PTPRM: variants seen among roughly 807,000 people sequenced by gnomAD.
The protein encoded by PTPRM is protein tyrosine phosphatase receptor type M.
In PTPRM, 47 loss-of-function variants were observed where a neutral mutation model predicts 186.7. That is an observed-to-expected ratio of 0.25 (90% CI 0.20 to 0.32). The LOEUF (loss-of-function observed/expected upper bound fraction) is 0.32. PTPRM is among the 10% of genes least tolerant of loss of function. The pLI, the probability that PTPRM is intolerant of heterozygous loss-of-function variation, is 1.00. For missense variants in PTPRM, 1,494 were observed against 1,865.0 expected (o/e 0.80, Z 3.66); for synonymous variants, 668 against 674.9 (o/e 0.99, Z 0.16).
intron 23 of PTPRM, among the ~76,000 whole-genome samples, chr18:8,349,964 G>A (rs961785216): frequency 6.6e-6 from 1 of 152,166 alleles, no homozygotes; most frequent in Non-Finnish European, 1.5e-5. Context: ...AGGCCAAAAT[G>A]GATGCCCCAT....
chr18:7,881,023 T>C (rs957611097), intron 2 of PTPRM, among the ~76,000 whole-genome samples: 1 of 152,204 alleles, frequency 6.6e-6, no homozygotes, highest in African/African-American at 2.4e-5. Flanking sequence ...GCAGTACATA[T>C]ATACACATGG....
At chr18:7,941,821 T>C (rs1007004461) in intron 5 of PTPRM, among the ~76,000 whole-genome samples, 2 of 152,228 alleles carry the variant, frequency 1.3e-5, no homozygotes, top group Non-Finnish European at 2.9e-5. Context: ...GGAGACATTG[T>C]CTGGTGCTTT....
intron 22 of PTPRM, among the ~76,000 whole-genome samples, chr18:8,331,601 T>C (rs150182857): frequency 6.6e-6 from 1 of 152,326 alleles, no homozygotes; most frequent in East Asian, 1.9e-4. Flanking sequence ...TATCTCTCAA[T>C]AGCAGAGAAG....
intron 14 of PTPRM, among the ~76,000 whole-genome samples, chr18:8,208,770 C>A (rs1413788076): frequency 6.6e-6 from 1 of 152,226 alleles, no homozygotes. Context: ...CCTTGGCCCC[C>A]CAAAGTGTTG....
intron 2 of PTPRM, among the ~76,000 whole-genome samples, chr18:7,820,765 T>A (rs2045143720): frequency 1.3e-5 from 2 of 152,144 alleles, no homozygotes; most frequent in Non-Finnish European, 2.9e-5. Flanking sequence ...TGGCCTCGCC[T>A]CTCTTTGGCT....
intron 14 of PTPRM, among the ~76,000 whole-genome samples, chr18:8,148,652 C>T (rs2092937559): frequency 6.6e-6 from 1 of 152,094 alleles, no homozygotes; most frequent in African/African-American, 2.4e-5. Context: ...GTATGTCCTT[C>T]AGTTCTGCTC....
At chr18:7,578,065 G>T (rs1005234732) in intron 1 of PTPRM, among the ~76,000 whole-genome samples, 24 of 152,128 alleles carry the variant, frequency 1.6e-4, no homozygotes, top group African/African-American at 5.3e-4. Context: ...TCCTGGCATT[G>T]AGTTCTCCTT....
At chr18:8,282,372 T>G (rs2094912756) in intron 19 of PTPRM, among the ~76,000 whole-genome samples, 1 of 152,138 alleles carries the variant, frequency 6.6e-6, no homozygotes, top group African/African-American at 2.4e-5. Flanking sequence ...CTTAAAAAAC[T>G]AAAACAGATG....
At chr18:7,974,332 C>T (rs1009959455) in intron 7 of PTPRM, among the ~76,000 whole-genome samples, 1 of 152,186 alleles carries the variant, frequency 6.6e-6, no homozygotes, top group African/African-American at 2.4e-5. Flanking sequence ...ACACAGCTTT[C>T]TAGTTTCTAA....
intron 1 of PTPRM, among the ~76,000 whole-genome samples, chr18:7,760,827 C>T (rs1431888849): frequency 1.3e-5 from 2 of 152,108 alleles, no homozygotes; most frequent in Non-Finnish European, 2.9e-5. Context: ...GTTGGACTCA[C>T]CTATGCTCCT....
At chr18:7,770,897 G>A (rs1431582468) in intron 1 of PTPRM, among the ~76,000 whole-genome samples, 1 of 152,144 alleles carries the variant, frequency 6.6e-6, no homozygotes, top group Non-Finnish European at 1.5e-5. Flanking sequence ...GCAGGGAAAT[G>A]TATCTTCACT....
chr18:7,671,701 GAATTA>G (rs1375987850), intron 1 of PTPRM, among the ~76,000 whole-genome samples: 1 of 152,144 alleles, frequency 6.6e-6, no homozygotes, highest in Non-Finnish European at 1.5e-5. Context: ...ATTCGTAAGT[GAATTA>G]AATAAAGAAT....
chr18:7,987,062 GTC>G (rs766141454), intron 7 of PTPRM, among the ~76,000 whole-genome samples: 34 of 152,156 alleles, frequency 2.2e-4, no homozygotes, highest in Non-Finnish European at 4.9e-4. Flanking sequence ...AAGCCACTCA[GTC>G]TAAGGTACTT....
At chr18:7,703,158 T>C (rs182576438) in intron 1 of PTPRM, among the ~76,000 whole-genome samples, 1 of 152,102 alleles carries the variant, frequency 6.6e-6, no homozygotes, top group African/African-American at 2.4e-5. Flanking sequence ...CTTGGCTCTT[T>C]TTTGGTTCCA....
At chr18:8,206,050 G>C (rs902852627) in intron 14 of PTPRM, among the ~76,000 whole-genome samples, 1 of 152,066 alleles carries the variant, frequency 6.6e-6, no homozygotes, top group Non-Finnish European at 1.5e-5. Context: ...TAAGGGATGA[G>C]TTGAGGATAA....
chr18:7,979,237 C>A (rs1249544605), intron 7 of PTPRM, among the ~76,000 whole-genome samples: 1 of 152,164 alleles, frequency 6.6e-6, no homozygotes, highest in Non-Finnish European at 1.5e-5. Flanking sequence ...ATATAAAAAA[C>A]ACAGAAGCAT....
intron 13 of PTPRM, among the ~76,000 whole-genome samples, chr18:8,116,474 G>A (rs1337018254): frequency 1.3e-5 from 2 of 152,168 alleles, no homozygotes; most frequent in African/African-American, 2.4e-5. Context: ...TGGGGGTCAA[G>A]GCCTGCACTC....
chr18:8,126,327 T>A (rs991547942), intron 13 of PTPRM, among the ~76,000 whole-genome samples: 4 of 151,776 alleles, frequency 2.6e-5, no homozygotes, highest in Admixed American at 2.0e-4. Context: ...TATGTTACTT[T>A]ATGCAAGATT....
At chr18:7,814,316 G>A (rs541103577) in intron 2 of PTPRM, 1 of 152,174 alleles carries the variant, frequency 6.6e-6, no homozygotes, top group Non-Finnish European at 1.5e-5. Context: ...TAAGCACATA[G>A]GTGGTAAAAT....
Sources: allele counts gnomAD v4.1 joint callset (sites outside exome capture counted in the v4.1 genomes callset), GRCh38; gene constraint gnomAD v4.1.1; transcripts MANE v1.5; gene names NCBI Gene and HGNC (gene_info 2026-07-23, HGNC 2026-07-21).